The following FBXL2 variants were observed in gnomAD, a reference collection of about 807,000 sequenced individuals.
FBXL2 encodes the protein F-box/LRR-repeat protein 2.
Under a neutral mutation model 69.2 loss-of-function variants are expected in FBXL2, and 38 were observed. That is an observed-to-expected ratio of 0.55 (90% CI 0.42 to 0.72). FBXL2 has a LOEUF of 0.72. FBXL2 is among the 30% of genes least tolerant of loss of function. The pLI is 0.00. For missense variants in FBXL2, 354 were observed against 520.3 expected, an observed-to-expected ratio of 0.68 and a Z score of 3.11; for synonymous variants, 192 against 201.3, an observed-to-expected ratio of 0.95 and a Z score of 0.39.
intron 12 of FBXL2, chr3:33,393,515 C>A: frequency 6.5e-7 from 1 of 1,536,356 alleles, no homozygotes; most frequent in South Asian, 1.2e-5. Context: ...TGTTTTCTGC[C>A]TGATCTGTAG....
At chr3:33,384,673 C>T (rs1372513432) in intron 14 of FBXL2, among the ~76,000 whole-genome samples, 3 of 152,166 alleles carry the variant, frequency 2.0e-5, no homozygotes, top group Non-Finnish European at 4.4e-5. Context: ...TTAGACTCCA[C>T]CCTGGAAGAT....
At chr3:33,312,014 C>T in intron 2 of FBXL2, among the ~76,000 whole-genome samples, 1 of 152,084 alleles carries the variant, frequency 6.6e-6, no homozygotes, top group Admixed American at 6.6e-5. Flanking sequence ...CTTAATGTAG[C>T]TCAGTGAGCT....
Position 33,375,035 on chromosome 3 carries a change from A to G in FBXL2, c.658-253A>G, listed in dbSNP as rs1310708626. Among the ~76,000 whole-genome samples the G allele has an allele frequency of 3.9e-5, 6 of 152,326 alleles. No individual in the cohort carries two copies. The East Asian group carries it at 1.2e-3, about 29-fold the overall frequency. The stretch of plus-strand genomic sequence containing the variant: ...ATGGAATTTTAAACTTTTATTCTCC[A>G]TTTATATTATTTAAAATTTTTACTT... On this transcript the variant is annotated intron_variant, in intron 9 of 14. Coordinates refer to ENST00000484457, the MANE Select transcript of FBXL2 (RefSeq NM_012157.5).
intron 2 of FBXL2, among the ~76,000 whole-genome samples, chr3:33,341,962 A>G (rs1000998798): frequency 1.4e-5 from 2 of 147,118 alleles, no homozygotes; most frequent in Non-Finnish European, 3.0e-5. Flanking sequence ...TGGTCTATAC[A>G]TTTCATTTTT....
At position 33,346,965 on chromosome 3, in the gene FBXL2, G is replaced by A. The variant is rs570300994; in HGVS notation, c.66-12002G>A. ...GTCCCTTCAAGCATTTATCCTTTGT[G>A]TTACAAACCAATTATACTCTTGTAT... is the stretch of plus-strand genomic sequence containing the variant. On this transcript the variant is annotated intron_variant, in intron 2 of 14. Transcript: ENST00000484457. Among the ~76,000 whole-genome samples, 994 of 152,236 alleles carry A rather than the reference G, an allele frequency of 6.5e-3. 5 individuals are homozygous for A. Among genetic ancestry groups the A allele is most frequent in the Non-Finnish European group, 0.011 (723 of 67,994 alleles).
chr3:33,396,718 G>A (rs543400108), intron 12 of FBXL2: 260 of 529,244 alleles, frequency 4.9e-4, no homozygotes, highest in Admixed American at 7.4e-4. Flanking sequence ...TCATGACCTT[G>A]AAAACCATAG....
the FBXL2 span, chr3:33,409,399 A>T: frequency 6.2e-7 from 1 of 1,613,750 alleles, no homozygotes; most frequent in Non-Finnish European, 8.5e-7. Context: ...ACACAGCTTT[A>T]CAGGCAAAAC....
the FBXL2 span, among the ~76,000 whole-genome samples, chr3:33,413,219 G>A: frequency 6.6e-6 from 1 of 152,120 alleles, no homozygotes; most frequent in Non-Finnish European, 1.5e-5. Flanking sequence ...AGAAACAATG[G>A]TAAAACTTTG....
At chr3:33,309,170 A>T (rs943996848) in intron 2 of FBXL2, among the ~76,000 whole-genome samples, 2 of 152,156 alleles carry the variant, frequency 1.3e-5, no homozygotes, top group African/African-American at 4.8e-5. Flanking sequence ...TGAAAGTGGG[A>T]TATCTACTAT....
chr3:33,402,755 A>T (rs1285057594), intron 12 of FBXL2: 1 of 1,363,834 alleles, frequency 7.3e-7, no homozygotes, highest in Non-Finnish European at 9.8e-7. Context: ...ATGAAGGCAC[A>T]TGAGCATTAG....
intron 2 of FBXL2, among the ~76,000 whole-genome samples, chr3:33,333,011 C>G (rs2039289251): frequency 6.6e-6 from 1 of 152,064 alleles, no homozygotes; most frequent in South Asian, 2.1e-4. Context: ...CACATATTGC[C>G]TAATTACATT....
At chr3:33,393,723 G>A (rs1349712493) in intron 12 of FBXL2, among the ~76,000 whole-genome samples, 1 of 152,064 alleles carries the variant, frequency 6.6e-6, no homozygotes, top group African/African-American at 2.4e-5. Flanking sequence ...AAGATTTGAG[G>A]TTTGAATTTT....
chr3:33,332,395 T>C (rs182461964), intron 2 of FBXL2, among the ~76,000 whole-genome samples: 90 of 152,348 alleles, frequency 5.9e-4, no homozygotes, highest in Admixed American at 1.4e-3. Flanking sequence ...GTTAAACATA[T>C]AATTACTATG....
chr3:33,351,497 C>G (rs2040826104), intron 2 of FBXL2, among the ~76,000 whole-genome samples: 1 of 151,968 alleles, frequency 6.6e-6, no homozygotes, highest in Non-Finnish European at 1.5e-5. Context: ...CTACAAAACT[C>G]CAGTATTCCA....
At position 33,299,341 on chromosome 3, in the gene FBXL2, C is replaced by T. The variant is rs527422958; in HGVS notation, c.65+1616C>T. Reference sequence around the variant, plus strand: ...ACAGGCGTGAGCCACTGCGCCCGGCCGGAATCCTTTTAATATTCCACAGAA... The same window carrying T: ...ACAGGCGTGAGCCACTGCGCCCGGCTGGAATCCTTTTAATATTCCACAGAA... On this transcript the variant is annotated intron_variant, in intron 2 of 14. Coordinates refer to ENST00000484457, the MANE Select transcript of FBXL2 (RefSeq NM_012157.5). Among the ~76,000 whole-genome samples the T allele has an allele frequency of 5.3e-5, 8 of 152,238 alleles. No individual in the cohort carries two copies. The East Asian group carries it at 1.4e-3, about 26-fold the overall frequency.
chr3:33,350,108 C>G (rs1276451515), intron 2 of FBXL2, among the ~76,000 whole-genome samples: 1 of 151,938 alleles, frequency 6.6e-6, no homozygotes, highest in Admixed American at 6.6e-5. Context: ...AACTCAAGAC[C>G]AACATTTTTC....
At chr3:33,336,259 T>C (rs2039570409) in intron 2 of FBXL2, among the ~76,000 whole-genome samples, 1 of 152,124 alleles carries the variant, frequency 6.6e-6, no homozygotes, top group Admixed American at 6.5e-5. Flanking sequence ...ACATAATTTA[T>C]TGGCACAAAA....
chr3:33,378,296 G>A (rs539441200), intron 12 of FBXL2, 149 bp downstream of exon 12: 5 of 773,638 alleles, frequency 6.5e-6, no homozygotes, highest in Admixed American at 2.1e-5. Context: ...GAAGGCCATG[G>A]CAGTGGATGC....
At chr3:33,322,127 G>C (rs1265991093) in intron 2 of FBXL2, among the ~76,000 whole-genome samples, 1 of 134,176 alleles carries the variant, frequency 7.5e-6, no homozygotes, top group Non-Finnish European at 1.5e-5. Context: ...GCCTAGACTG[G>C]AGTGCAGTGG....
Sources: gnomAD v4.1 joint callset for allele counts (sites outside exome capture counted in the v4.1 genomes callset) on GRCh38, gnomAD v4.1.1 for gene constraint, MANE v1.5 for transcripts, NCBI Gene and HGNC (gene_info 2026-07-23, HGNC 2026-07-21) for gene names.